DLGAP2: variants seen among roughly 807,000 people sequenced by gnomAD.
The protein encoded by DLGAP2 is disks large-associated protein 2.
Under a neutral mutation model 100.3 loss-of-function variants are expected in DLGAP2, and 26 were observed. That is an observed-to-expected ratio of 0.26 (90% confidence interval 0.19 to 0.36). The LOEUF is 0.36. Ranked by LOEUF, DLGAP2 falls within the 10% of genes least tolerant of loss-of-function variation. The pLI, the probability that DLGAP2 is intolerant of heterozygous loss-of-function variation, is 1.00. For synonymous variants in DLGAP2, 886 were observed against 630.1 expected (o/e 1.41, Z -6.08); for missense variants, 1,858 against 1,453.2 (o/e 1.28, Z -4.53).
At chr8:1,536,814 C>T (rs1441548972) in intron 4 of DLGAP2, among the ~76,000 whole-genome samples, 2 of 152,186 alleles carry the variant, frequency 1.3e-5, no homozygotes, top group African/African-American at 4.8e-5. Flanking sequence ...TCAAATATTT[C>T]ACTTTGACAC....
intron 2 of DLGAP2, among the ~76,000 whole-genome samples, chr8:1,083,997 T>C (rs964981097): frequency 6.6e-6 from 1 of 152,234 alleles, no homozygotes; most frequent in Non-Finnish European, 1.5e-5. Context: ...GACCCTGTGA[T>C]TGTAAGCTCC....
At chr8:1,033,691 G>T (rs549994212) in intron 2 of DLGAP2, among the ~76,000 whole-genome samples, 1 of 152,216 alleles carries the variant, frequency 6.6e-6, no homozygotes, top group African/African-American at 2.4e-5. Context: ...TGAGAACCGC[G>T]AGTGGATTCA....
intron 2 of DLGAP2, among the ~76,000 whole-genome samples, chr8:990,211 T>C (rs1433523090): frequency 3.9e-5 from 6 of 152,030 alleles, no homozygotes; most frequent in Admixed American, 3.3e-4. Flanking sequence ...TTCCCAACTT[T>C]TCACCTGTTA....
At chr8:1,276,958 C>T (rs1799710637) in intron 3 of DLGAP2, among the ~76,000 whole-genome samples, 1 of 152,114 alleles carries the variant, frequency 6.6e-6, no homozygotes, top group South Asian at 2.1e-4. Flanking sequence ...ACATATGTTC[C>T]TAAATATCAT....
intron 6 of DLGAP2, among the ~76,000 whole-genome samples, chr8:1,588,387 C>CT (rs1796189927): frequency 6.6e-6 from 1 of 152,124 alleles, no homozygotes; most frequent in African/African-American, 2.4e-5. Context: ...CGGTGCTAAC[C>CT]TTGAAGCAGC....
chr8:1,448,785 C>G (rs968666265), intron 3 of DLGAP2, among the ~76,000 whole-genome samples: 1 of 152,130 alleles, frequency 6.6e-6, no homozygotes, highest in Admixed American at 6.6e-5. Flanking sequence ...TCACTGCGTG[C>G]AAAAATCAAT....
At chr8:1,583,866 C>G (rs1584954720) in intron 6 of DLGAP2, among the ~76,000 whole-genome samples, 1 of 152,074 alleles carries the variant, frequency 6.6e-6, no homozygotes, top group Non-Finnish European at 1.5e-5. Flanking sequence ...CCCGGAAAGC[C>G]TTGTTCCCCT....
chr8:1,205,033 A>G (rs551002151), intron 2 of DLGAP2, among the ~76,000 whole-genome samples: 71 of 152,264 alleles, frequency 4.7e-4, no homozygotes, highest in Admixed American at 1.0e-3. Flanking sequence ...AATTGCAGTC[A>G]TTAGGGCTGG....
rs571847499 is a variant in DLGAP2, at chr8:1,418,444, G to A, written c.107-82922G>A. Among the ~76,000 whole-genome samples, 47 of 152,150 alleles carry A rather than the reference G, an allele frequency of 3.1e-4. No homozygotes were observed. In the South Asian group the frequency reaches 5.0e-3, roughly 16 times the overall value. ...TAAAAAGATGATTATTTCTGTAGTC[G>A]CTTAGCCTGAAATTATAGCCATCGT... On this transcript the variant is annotated intron_variant, in intron 3 of 14. Transcript: ENST00000637795.
intron 4 of DLGAP2, among the ~76,000 whole-genome samples, chr8:1,506,706 G>C (rs1436107744): frequency 6.6e-6 from 1 of 152,282 alleles, no homozygotes; most frequent in Non-Finnish European, 1.5e-5. Flanking sequence ...TGATTGGTCT[G>C]TTTTACAAAG....
intron 2 of DLGAP2, among the ~76,000 whole-genome samples, chr8:1,098,341 T>C (rs1804458185): frequency 6.6e-6 from 1 of 152,246 alleles, no homozygotes; most frequent in Non-Finnish European, 1.5e-5. Flanking sequence ...TCACCTTCAA[T>C]GAATGTTCAC....
chr8:1,555,268 C>G (rs1250709296), intron 5 of DLGAP2, among the ~76,000 whole-genome samples: 2 of 152,194 alleles, frequency 1.3e-5, no homozygotes, highest in African/African-American at 2.4e-5. Context: ...CACTGACACC[C>G]AGCCACCAGC....
intron 1 of DLGAP2, among the ~76,000 whole-genome samples, chr8:786,584 A>G (rs1821873735): frequency 6.6e-6 from 1 of 152,052 alleles, no homozygotes; most frequent in Non-Finnish European, 1.5e-5. Flanking sequence ...CACTACGCAC[A>G]GTTCCCTCAG....
intron 3 of DLGAP2, among the ~76,000 whole-genome samples, chr8:1,446,441 A>G (rs538101201): frequency 1.6e-3 from 249 of 152,186 alleles, no homozygotes; most frequent in African/African-American, 5.6e-3. Flanking sequence ...GTTCTGTTCC[A>G]TTGATCTATA....
chr8:994,657 A>G (rs1198811583), intron 2 of DLGAP2, among the ~76,000 whole-genome samples: 2 of 152,172 alleles, frequency 1.3e-5, no homozygotes, highest in African/African-American at 2.4e-5. Flanking sequence ...TTTAAGATGC[A>G]TTTACACACA....
At chr8:908,378 G>C (rs992280108) in intron 2 of DLGAP2, among the ~76,000 whole-genome samples, 3 of 152,174 alleles carry the variant, frequency 2.0e-5, no homozygotes, top group African/African-American at 2.4e-5. Context: ...GCCTTTCTTT[G>C]TGATCAGGGT....
chr8:1,188,337 T>C (rs1211914771), intron 2 of DLGAP2, among the ~76,000 whole-genome samples: 1 of 137,714 alleles, frequency 7.3e-6, no homozygotes, highest in Non-Finnish European at 1.5e-5. Flanking sequence ...CCTCACGGAA[T>C]CTCACACACC....
At chr8:1,021,299 G>A (rs537976581) in intron 2 of DLGAP2, among the ~76,000 whole-genome samples, 1 of 152,216 alleles carries the variant, frequency 6.6e-6, no homozygotes, top group East Asian at 1.9e-4. Flanking sequence ...CCTAAAATAC[G>A]ATATATTTTG....
At position 1,259,350 on chromosome 8, in the gene DLGAP2, C is replaced by T. The variant is rs56300341; in HGVS notation, c.106+467C>T. ...TCAGTGTTGCTTATTTAACTTTCTA[C>T]GCAAGTCTCCTGTGTTTAAAACACG... On this transcript the variant is annotated intron_variant, in intron 3 of 14. Coordinates refer to ENST00000637795, the MANE Select transcript of DLGAP2 (RefSeq NM_001346810.2). 2.6e-3 allele frequency among the ~76,000 whole-genome samples: 402 copies of T among 152,294 alleles called. 1 individual carries two copies. The highest frequency in any genetic ancestry group is 8.9e-3 in the African/African-American group (370 of 41,552).
Sources: allele counts gnomAD v4.1 joint callset (sites outside exome capture counted in the v4.1 genomes callset), GRCh38; gene constraint gnomAD v4.1.1; transcripts MANE v1.5; gene names NCBI Gene and HGNC (gene_info 2026-07-23, HGNC 2026-07-21).